The following CSF1R variants were observed in gnomAD, a reference collection of about 807,000 sequenced individuals.
The protein encoded by CSF1R is colony stimulating factor 1 receptor, also known as macrophage colony-stimulating factor 1 receptor.
In CSF1R, 40 loss-of-function variants were observed where a neutral mutation model predicts 110.0. The observed-to-expected ratio is 0.36, with a 90% CI of 0.28 to 0.47. The LOEUF (loss-of-function observed/expected upper bound fraction) is 0.47, where lower values mean the gene tolerates loss of function less well. CSF1R is among the 20% of genes least tolerant of loss of function. The pLI is 0.99. For synonymous variants in CSF1R, 523 were observed against 503.4 expected, an observed-to-expected ratio of 1.04 and a Z score of -0.52; for missense variants, 1,052 against 1,253.0, an observed-to-expected ratio of 0.84 and a Z score of 2.42.
In CSF1R at chr5:150,069,119, G is replaced by A. The variant is rs190396183; in HGVS notation, c.1510+754C>T. 3.6e-3 allele frequency among the ~76,000 whole-genome samples: 554 copies of A among 152,332 alleles called. 2 individuals are homozygous for A. The highest frequency in any genetic ancestry group is 0.01 in the Middle Eastern group (3 of 294). On this transcript the variant is annotated intron_variant, in intron 9 of 20. Coordinates refer to ENST00000675795, the MANE Select transcript of CSF1R (RefSeq NM_001288705.3). ...ACCTCCAGCAGTGAGGCCCAGCGCG[G>A]CCGCAGGCTCCTGCTTGCAGCTGGA...
intron 1 of CSF1R, among the ~76,000 whole-genome samples, chr5:150,105,243 G>T (rs189254225): frequency 0.023 from 3,413 of 146,870 alleles, 140 homozygotes; most frequent in African/African-American, 0.081. Flanking sequence ...AGCTGCTCAG[G>T]AGGCTGAGGC....
chr5:150,063,754 A>C (rs982841880), intron 10 of CSF1R, among the ~76,000 whole-genome samples: 12 of 152,188 alleles, frequency 7.9e-5, no homozygotes, highest in East Asian at 3.9e-4. Context: ...CTGATGGAAG[A>C]CCAAGTTGAG....
chr5:150,109,719 CTT>C (rs1759663021), intron 1 of CSF1R, among the ~76,000 whole-genome samples: 2 of 152,302 alleles, frequency 1.3e-5, no homozygotes, highest in South Asian at 2.1e-4. Flanking sequence ...AATTTTTAGA[CTT>C]CAGTGACATT....
upstream of CSF1R, chr5:150,086,729 C>A: frequency 2.6e-6 from 1 of 380,558 alleles, no homozygotes. Context: ...GGGGAGCTAG[C>A]TAAGTTTGGG....
chr5:150,054,472 G>A (rs1581277072), intron 19 of CSF1R, 42 bp from the exon 20 acceptor site: 2 of 1,539,804 alleles, frequency 1.3e-6, no homozygotes, highest in Non-Finnish European at 1.8e-6. Context: ...AGCTCCCTAG[G>A]GTCCAGGGGC....
Position 150,077,229 on chromosome 5 carries a change from C to G in CSF1R, c.889+47G>C, listed in dbSNP as rs368030262. On this transcript the variant is annotated intron_variant, in intron 5 of 20. Coordinates refer to ENST00000675795, the MANE Select transcript of CSF1R (RefSeq NM_001288705.3). ...CCTCCTCAAAACCCTTCTGCTCACA[C>G]TCCTGCAGGATCCCTACCGACTGTC... The G allele has an allele frequency of 2.1e-4, 336 of 1,612,352 alleles. 1 individual carries two copies. Among genetic ancestry groups the G allele is most frequent in the South Asian group, 1.2e-3 (111 of 91,028 alleles).
rs1406362483 is a variant in CSF1R, at chr5:150,056,254, T to C, written c.2407A>G (p.Ile803Val). Residue 803 changes from isoleucine (I) to valine (V), a missense_variant, in exon 17 of 21, where the codon ATC becomes GTC. Physicochemically the swap from Ile to Val is conservative, Grantham distance 29. This residue lies in a region of CSF1R where 74 missense variants were observed against 187.4 expected (regional missense o/e 0.39). Coordinates refer to ENST00000675795, the MANE Select transcript of CSF1R (RefSeq NM_001288705.3). ...ACAATGTAGTTGGAGTCATTCATGA[T>C]GTCCCTAGCCAGCCCGAAGTCCCCA... ...KIGDFGLARD[I>V]MNDSNYIVKG... 6.2e-7 allele frequency: 1 copy of C among 1,614,200 alleles called. No homozygotes were observed. The highest frequency in any genetic ancestry group is 8.5e-7 in the Non-Finnish European group (1 of 1,180,034).
At chr5:150,107,393 G>A (rs1186143796) in intron 1 of CSF1R, among the ~76,000 whole-genome samples, 1 of 152,128 alleles carries the variant, frequency 6.6e-6, no homozygotes, top group South Asian at 2.1e-4. Flanking sequence ...TTAACACAGG[G>A]GCATGAAGAA....
In CSF1R at chr5:150,055,292, T is replaced by G. The variant is rs139797829; in HGVS notation, c.2599A>C (p.Lys867Gln). The G allele has an allele frequency of 1.9e-6, 3 of 1,614,092 alleles. No homozygotes were observed. The highest frequency in any genetic ancestry group is 2.7e-5 in the African/African-American group (2 of 74,932). ...ATTTGGTATCCATCCTTCACCAGTT[T>G]ATAGAACTTGCTGTTCACCAGGATG... ...PGILVNSKFYKLVKDGYQMAQ... is the reference protein window; with the variant it reads ...PGILVNSKFYQLVKDGYQMAQ... The change falls in exon 19 of 21, where the codon AAA becomes CAA. Residue 867 changes from lysine to glutamine, a missense_variant. Coordinates refer to ENST00000675795, the MANE Select transcript of CSF1R (RefSeq NM_001288705.3).
intron 14 of CSF1R, chr5:150,058,338 T>C: frequency 2.2e-6 from 1 of 456,266 alleles, no homozygotes; most frequent in East Asian, 7.0e-5. Context: ...CTACTGCTCC[T>C]AACGTTCCAG....
Position 150,069,456 on chromosome 5 carries a change from G to A in CSF1R, c.1510+417C>T, listed in dbSNP as rs191388565. On this transcript the variant is annotated intron_variant, in intron 9 of 20. Transcript: ENST00000675795. ...GAGAAGGCCGTCCTTAGCTGGCCCC[G>A]AGCTGGAGATGGACTGTTTCCTTGC... Among the ~76,000 whole-genome samples the A allele has an allele frequency of 3.9e-5, 6 of 152,238 alleles. No homozygotes were observed. The East Asian group carries it at 7.7e-4, about 20-fold the overall frequency.
At chr5:150,094,272 G>C (rs1408996184) in intron 1 of CSF1R, 5 of 1,457,638 alleles carry the variant, frequency 3.4e-6, no homozygotes, top group Admixed American at 3.7e-5. Flanking sequence ...CTTTAGAACA[G>C]AGCTTCAGTT....
intron 1 of CSF1R, among the ~76,000 whole-genome samples, chr5:150,105,955 C>T (rs1337185837): frequency 6.6e-6 from 1 of 152,210 alleles, no homozygotes; most frequent in Non-Finnish European, 1.5e-5. Flanking sequence ...GATGAGGAAA[C>T]CAAGGCTCAG....
chr5:150,058,135 T>A (rs936556743), intron 14 of CSF1R: 6 of 449,698 alleles, frequency 1.3e-5, no homozygotes, highest in African/African-American at 1.0e-4. Context: ...GGCCCACTGG[T>A]CTAGAGCAGT....
intron 1 of CSF1R, among the ~76,000 whole-genome samples, chr5:150,111,353 C>A (rs551554689): frequency 6.6e-6 from 1 of 152,318 alleles, no homozygotes; most frequent in South Asian, 2.1e-4. Flanking sequence ...CACCCGTCTT[C>A]CCTGGGCCCG....
At chr5:150,102,792 C>T (rs1429782452) in intron 1 of CSF1R, among the ~76,000 whole-genome samples, 5 of 152,178 alleles carry the variant, frequency 3.3e-5, no homozygotes, top group Admixed American at 2.0e-4. Flanking sequence ...TTGAACTATT[C>T]GTTATCTGTA....
chr5:150,099,719 G>C (rs1029752825), intron 1 of CSF1R, among the ~76,000 whole-genome samples: 2 of 151,048 alleles, frequency 1.3e-5, no homozygotes, highest in Admixed American at 6.6e-5. Flanking sequence ...TGGAGATGGA[G>C]GGAGGGCTTC....
chr5:150,085,686 G>A (rs2237085), intron 1 of CSF1R, among the ~76,000 whole-genome samples: 34,884 of 151,444 alleles, frequency 0.23, 4,200 homozygotes, highest in East Asian at 0.42. Flanking sequence ...ATTTCACCCC[G>A]AATTCCCCTC....
intron 1 of CSF1R, among the ~76,000 whole-genome samples, chr5:150,095,769 A>G (rs1409356099): frequency 2.0e-5 from 3 of 151,464 alleles, no homozygotes; most frequent in Non-Finnish European, 4.4e-5. Flanking sequence ...CCGAGAAAAA[A>G]AAAAAAAAAA....
Sources: allele counts gnomAD v4.1 joint callset (sites outside exome capture counted in the v4.1 genomes callset), GRCh38; gene constraint gnomAD v4.1.1; regional missense constraint gnomAD v4.1.1; transcripts MANE v1.5; gene names NCBI Gene and HGNC (gene_info 2026-07-23, HGNC 2026-07-21).